NCOA1: variants seen among roughly 807,000 people sequenced by gnomAD.
NCOA1 encodes nuclear receptor coactivator 1, also known as Hin-2 protein.
In NCOA1, 35 loss-of-function variants were observed where a neutral mutation model predicts 150.9. The observed-to-expected ratio is 0.23, with a 90% confidence interval of 0.18 to 0.31. NCOA1 has a LOEUF of 0.31. Among genes scored for constraint, NCOA1 ranks in the 10% least tolerant of loss-of-function variants. NCOA1 has a pLI of 1.00. For synonymous variants in NCOA1, 590 were observed against 630.0 expected (o/e 0.94, Z 0.95); for missense variants, 1,491 against 1,749.3 (o/e 0.85, Z 2.63).
At chr2:24,690,715 C>T (rs1004423618) in intron 8 of NCOA1, among the ~76,000 whole-genome samples, 5 of 146,302 alleles carry the variant, frequency 3.4e-5, no homozygotes, top group African/African-American at 1.0e-4. Context: ...CTCATGACCA[C>T]GTGATTTAAA....
At chr2:24,621,317 C>T (rs1253024203) in intron 3 of NCOA1, among the ~76,000 whole-genome samples, 1 of 150,308 alleles carries the variant, frequency 6.7e-6, no homozygotes, top group Non-Finnish European at 1.5e-5. Flanking sequence ...TATTTAAAAT[C>T]TCTTGTTTTT....
intron 7 of NCOA1, 88 bp downstream of exon 7, chr2:24,673,551 T>C: frequency 1.4e-6 from 1 of 720,870 alleles, no homozygotes; most frequent in Non-Finnish European, 2.3e-6. Context: ...TATATCCAGT[T>C]AATAAATTAT....
At position 24,665,905 on chromosome 2, in the gene NCOA1, A is replaced by G. The variant is rs755639022; in HGVS notation, c.246A>G (p.Arg82=). 7.2e-6 allele frequency: 11 copies of G among 1,517,794 alleles called. No homozygotes were observed. The highest frequency in any genetic ancestry group is 1.8e-6 in the Non-Finnish European group (2 of 1,130,894). 94.0% of individuals were successfully genotyped at this position (1,517,794 alleles called of 1,614,324 possible). A position where few individuals can be genotyped will look rare whatever the true frequency, so the allele number is the denominator to read the frequency against. Reference sequence around the variant, plus strand: ...TCGATCAGATACAGCTAATGAAGAGAATGGAACAAGGTAAAAAAGAAAAAG... The same window carrying G: ...TCGATCAGATACAGCTAATGAAGAGGATGGAACAAGGTAAAAAAGAAAAAG... The part of the protein sequence containing the change: ...KTVDQIQLMK[R]MEQEKSTTDD... Residue 82 remains arginine (R), a synonymous_variant, in exon 6 of 23, where the codon AGA becomes AGG. Coordinates refer to ENST00000348332, the MANE Select transcript of NCOA1 (RefSeq NM_003743.5).
At chr2:24,665,495 T>TAC (rs1671379659) in intron 5 of NCOA1, among the ~76,000 whole-genome samples, 1 of 152,214 alleles carries the variant, frequency 6.6e-6, no homozygotes, top group African/African-American at 2.4e-5. Context: ...ATATTCAAGA[T>TAC]GTATATATGA....
chr2:24,698,266 G>C (rs1672993001), intron 11 of NCOA1, among the ~76,000 whole-genome samples: 1 of 152,046 alleles, frequency 6.6e-6, no homozygotes. Flanking sequence ...CAGAAAAGAA[G>C]TAATATTTTG....
At chr2:24,763,267 C>T (rs1244905292) in intron 22 of NCOA1, among the ~76,000 whole-genome samples, 1 of 151,966 alleles carries the variant, frequency 6.6e-6, no homozygotes, top group Admixed American at 6.6e-5. Context: ...GGGCCGGGCG[C>T]GGTGGCTCAT....
intron 3 of NCOA1, among the ~76,000 whole-genome samples, chr2:24,602,483 G>A (rs967983502): frequency 1.3e-5 from 2 of 152,168 alleles, no homozygotes; most frequent in African/African-American, 4.8e-5. Context: ...TTACGGGCAT[G>A]TGCCACTGCG....
chr2:24,683,290 A>G (rs2148541704), intron 8 of NCOA1, among the ~76,000 whole-genome samples, 162 bp downstream of exon 8: 1 of 152,312 alleles, frequency 6.6e-6, no homozygotes, highest in South Asian at 2.1e-4. Context: ...TCAGATATAA[A>G]TATGAAGGGG....
chr2:24,545,631 TAAGTC>T, intron 1 of NCOA1, among the ~76,000 whole-genome samples: 1 of 152,250 alleles, frequency 6.6e-6, no homozygotes, highest in South Asian at 2.1e-4. Context: ...TGAGATCAGA[TAAGTC>T]AAGGACCAAG....
At chr2:24,492,268 C>G (rs999992679) in intron 1 of NCOA1, 2 of 152,172 alleles carry the variant, frequency 1.3e-5, no homozygotes, top group Admixed American at 1.3e-4. Flanking sequence ...CCGAAAGGGC[C>G]GAGGAAGGGA....
At chr2:24,690,940 A>T (rs1232707722) in intron 8 of NCOA1, among the ~76,000 whole-genome samples, 2 of 152,180 alleles carry the variant, frequency 1.3e-5, no homozygotes, top group Non-Finnish European at 2.9e-5. Context: ...GCAAAAGGAA[A>T]AAATGGTTAT....
intron 3 of NCOA1, among the ~76,000 whole-genome samples, chr2:24,624,243 T>C (rs1572506278): frequency 6.6e-6 from 1 of 152,318 alleles, no homozygotes; most frequent in East Asian, 1.9e-4. Context: ...TGGTAACTCA[T>C]ATTAATTAAA....
At chr2:24,709,876 A>G (rs1673645901) in intron 13 of NCOA1, among the ~76,000 whole-genome samples, 1 of 152,188 alleles carries the variant, frequency 6.6e-6, no homozygotes, top group South Asian at 2.1e-4. Context: ...GCTAAATGTA[A>G]CAGTGCCCAA....
At chr2:24,557,623 A>T (rs1056625211) in intron 1 of NCOA1, among the ~76,000 whole-genome samples, 1 of 151,346 alleles carries the variant, frequency 6.6e-6, no homozygotes, top group Non-Finnish European at 1.5e-5. Context: ...TGCCTTTAAT[A>T]TATTTTGTGT....
intron 20 of NCOA1, among the ~76,000 whole-genome samples, chr2:24,755,776 T>G (rs915034441): frequency 1.3e-5 from 2 of 152,214 alleles, no homozygotes; most frequent in Non-Finnish European, 2.9e-5. Context: ...AATATTAATT[T>G]GAAAGGAAAT....
At chr2:24,660,919 G>C (rs1161043962) in intron 5 of NCOA1, among the ~76,000 whole-genome samples, 1 of 151,966 alleles carries the variant, frequency 6.6e-6, no homozygotes, top group Non-Finnish European at 1.5e-5. Context: ...AAAATTGCCA[G>C]TTGTGGTGCC....
At chr2:24,708,031 A>G (rs1367213913) in intron 13 of NCOA1, 143 bp downstream of exon 13, 2 of 1,049,750 alleles carry the variant, frequency 1.9e-6, no homozygotes, top group Non-Finnish European at 2.6e-6. Context: ...AGTATCAATA[A>G]CTGATCACAG....
chr2:24,597,574 T>C (rs1335724063), intron 3 of NCOA1, among the ~76,000 whole-genome samples: 1 of 152,140 alleles, frequency 6.6e-6, no homozygotes, highest in East Asian at 1.9e-4. Flanking sequence ...GTCTGAAATC[T>C]GTAGAGTGGG....
At chr2:24,630,634 A>G (rs992344582) in intron 3 of NCOA1, among the ~76,000 whole-genome samples, 3 of 152,212 alleles carry the variant, frequency 2.0e-5, no homozygotes, top group Non-Finnish European at 4.4e-5. Flanking sequence ...CAGTTTTCAT[A>G]TCTTTCCAAC....
Sources: allele counts gnomAD v4.1 joint callset (sites outside exome capture counted in the v4.1 genomes callset), GRCh38; gene constraint gnomAD v4.1.1; transcripts MANE v1.5; gene names NCBI Gene and HGNC (gene_info 2026-07-23, HGNC 2026-07-21).